Variants in SLC26A5 observed in about 807,000 individuals in gnomAD.
The protein encoded by SLC26A5 is solute carrier family 26 member 5.
A neutral mutation model predicts 81.0 loss-of-function variants in SLC26A5; 51 were observed. That is an observed-to-expected ratio of 0.63 (90% CI 0.50 to 0.80). The LOEUF is 0.80. Ranked by LOEUF, SLC26A5 falls within the 30% of genes least tolerant of loss-of-function variation. The probability of loss-of-function intolerance (pLI) is 0.00; values close to 1 mark genes in which losing one functional copy is unlikely to be tolerated. For missense variants in SLC26A5, 771 were observed against 905.8 expected (o/e 0.85, Z 1.91); for synonymous variants, 325 against 332.8 (o/e 0.98, Z 0.25).
intron 15 of SLC26A5, among the ~76,000 whole-genome samples, chr7:103,380,277 GA>G (rs1235841689): frequency 3.9e-5 from 6 of 152,050 alleles, no homozygotes; most frequent in African/African-American, 7.3e-5. Flanking sequence ...TAAAAATGAG[GA>G]AAAATAAATA....
intron 14 of SLC26A5, among the ~76,000 whole-genome samples, chr7:103,382,825 G>A (rs1433192087): frequency 6.6e-6 from 1 of 152,138 alleles, no homozygotes; most frequent in Non-Finnish European, 1.5e-5. Flanking sequence ...TCACGTAGAT[G>A]AGAAATTGAG....
At position 103,390,486 on chromosome 7, in the gene SLC26A5, T is replaced by C; in HGVS notation, c.1254A>G (p.Ser418=). The C allele has an allele frequency of 6.2e-7, 1 of 1,614,182 alleles. No individual in the cohort carries two copies. Among genetic ancestry groups the C allele is most frequent in the South Asian group, 1.1e-5 (1 of 91,082 alleles). Residue 418 remains serine (S), a synonymous_variant, in exon 12 of 20, where the codon TCA becomes TCG. Coordinates refer to ENST00000306312, the MANE Select transcript of SLC26A5 (RefSeq NM_198999.3). The stretch of plus-strand genomic sequence containing the variant: ...CTAATATGACCAGCAGAATCATTAA[T>C]GAGGCCAAACAACCTGCAAGCTGAA... ...GKTQLAGCLA[S]LMILLVILAT...
At position 103,377,734 on chromosome 7, in the gene SLC26A5, G is replaced by A; in HGVS notation, c.1851C>T (p.Pro617=). The change falls in exon 18 of 20, where the codon CCC becomes CCT. Residue 617 remains proline (P), a synonymous_variant. Transcript: ENST00000306312. ...GAAATGTGCTTTTGATCACTATTGG[G>A]GGATATTTTACTTCACCATCCTCTT... ...PEEEDGEVKY[P]PIVIKSTFPE... 1 of 1,614,006 alleles carries A rather than the reference G, an allele frequency of 6.2e-7. No homozygotes were observed.
At chr7:103,368,188 T>A in intron 19 of SLC26A5, 1 of 807,390 alleles carries the variant, frequency 1.2e-6, no homozygotes, top group Non-Finnish European at 1.9e-6. Flanking sequence ...TGTAATATAA[T>A]AAAAGGTGAT....
chr7:103,412,921 T>C (rs2116663008), intron 5 of SLC26A5, 81 bp downstream of exon 5: 2 of 1,032,114 alleles, frequency 1.9e-6, no homozygotes, highest in Non-Finnish European at 3.0e-6. Context: ...TTTTTAATAA[T>C]GACCATGCTA....
chr7:103,440,863 C>T (rs936140488), intron 2 of SLC26A5, among the ~76,000 whole-genome samples: 1 of 152,166 alleles, frequency 6.6e-6, no homozygotes, highest in Non-Finnish European at 1.5e-5. Flanking sequence ...AAATATGCTT[C>T]AACCTAAGCT....
intron 3 of SLC26A5, 104 bp downstream of exon 3, chr7:103,421,259 A>AT: frequency 7.6e-7 from 1 of 1,318,708 alleles, no homozygotes; most frequent in East Asian, 2.5e-5. Context: ...CTCAGCATTC[A>AT]TTTTTCTCTC....
chr7:103,354,729 G>A, intron 19 of SLC26A5: 1 of 604,020 alleles, frequency 1.7e-6, no homozygotes, highest in Non-Finnish European at 2.9e-6. Context: ...GAAATATTGG[G>A]TCAGGAATAC....
rs773315213 is a variant in SLC26A5, at chr7:103,378,603, C to T, written c.1678-50G>A. On this transcript the variant is annotated intron_variant, in intron 16 of 19. Transcript: ENST00000306312. ...AAATCACTTCATGGCTCTCAGGGACCCACCCCAATGCCACTCCCCTTCAAA... is the reference window on the plus strand; with the variant it reads ...AAATCACTTCATGGCTCTCAGGGACTCACCCCAATGCCACTCCCCTTCAAA... 10 of 1,487,908 alleles carry T rather than the reference C, an allele frequency of 6.7e-6. No homozygotes were observed. In the East Asian group the frequency reaches 1.4e-4, roughly 20 times the overall value. 92.2% of individuals were successfully genotyped at this position (1,487,908 alleles called of 1,614,324 possible). A position where few individuals can be genotyped will look rare whatever the true frequency, so the allele number is the denominator to read the frequency against.
At chr7:103,378,773 T>C (rs1375753879) in intron 16 of SLC26A5, among the ~76,000 whole-genome samples, 2 of 152,162 alleles carry the variant, frequency 1.3e-5, no homozygotes, top group African/African-American at 4.8e-5. Flanking sequence ...GAAGCTAAAA[T>C]ATTAAAGACA....
At chr7:103,384,969 C>G (rs13242707) in intron 14 of SLC26A5, among the ~76,000 whole-genome samples, 2 of 152,152 alleles carry the variant, frequency 1.3e-5, no homozygotes, top group African/African-American at 4.8e-5. Context: ...TCCCTAGAGT[C>G]TAGCATCTCC....
chr7:103,428,949 A>G (rs1225167212), intron 2 of SLC26A5, among the ~76,000 whole-genome samples: 1 of 152,124 alleles, frequency 6.6e-6, no homozygotes, highest in East Asian at 1.9e-4. Flanking sequence ...GGATTTCTCC[A>G]TCTTGCATAA....
chr7:103,352,757 A>C, exon 20 of SLC26A5: 6 of 748,744 alleles, frequency 8.0e-6, no homozygotes, highest in Non-Finnish European at 1.5e-5. Flanking sequence ...TTATTTCACA[A>C]AAGAGAAAAC....
chr7:103,391,631 C>T lies in SLC26A5; in HGVS notation c.1224G>A (p.Gly408=). The T allele has an allele frequency of 6.2e-7, 1 of 1,613,906 alleles. No individual in the cohort carries two copies. Among genetic ancestry groups the T allele is most frequent in the South Asian group, 1.1e-5 (1 of 91,064 alleles). ...SRSLVQEGTG[G]KTQLAGCLAS... The stretch of plus-strand genomic sequence containing the variant: ...CCTGTTATGTACATACCTGTGTCTT[C>T]CCACCGGTTCCCTCCTGAACAAGGC... Residue 408 remains glycine (G), a synonymous_variant, in exon 11 of 20, where the codon GGG becomes GGA. Coordinates refer to ENST00000306312, the MANE Select transcript of SLC26A5 (RefSeq NM_198999.3).
Position 103,391,670 on chromosome 7 carries a change from G to A in SLC26A5, c.1185C>T (p.Cys395=). ...GSLFQTFSIS[C]SLSRSLVQEG... Reference sequence around the variant, plus strand: ...CCTGAACAAGGCTTCGAGACAAGGAGCATGAAATTGAAAAGGTCTGGAAGA... The same window carrying A: ...CCTGAACAAGGCTTCGAGACAAGGAACATGAAATTGAAAAGGTCTGGAAGA... The change falls in exon 11 of 20, where the codon TGC becomes TGT. Residue 395 remains cysteine, a synonymous_variant. Coordinates refer to ENST00000306312, the MANE Select transcript of SLC26A5 (RefSeq NM_198999.3). 1 of 1,614,178 alleles carries A rather than the reference G, an allele frequency of 6.2e-7. No individual in the cohort carries two copies. Among genetic ancestry groups the A allele is most frequent in the Non-Finnish European group, 8.5e-7 (1 of 1,180,026 alleles).
At chr7:103,356,789 C>T (rs947604509) in intron 19 of SLC26A5, among the ~76,000 whole-genome samples, 3 of 151,970 alleles carry the variant, frequency 2.0e-5, no homozygotes, top group African/African-American at 7.3e-5. Flanking sequence ...TAAAATATAC[C>T]AATATTTCCA....
downstream of SLC26A5, among the ~76,000 whole-genome samples, chr7:103,369,800 C>T (rs1421105027): frequency 6.6e-6 from 1 of 151,802 alleles, no homozygotes; most frequent in East Asian, 1.9e-4. Flanking sequence ...AAAAATATAC[C>T]GTAGAATCCT....
intron 14 of SLC26A5, among the ~76,000 whole-genome samples, chr7:103,381,250 CAT>C (rs1265683313): frequency 6.6e-6 from 1 of 151,518 alleles, no homozygotes; most frequent in Non-Finnish European, 1.5e-5. Flanking sequence ...AATACACACA[CAT>C]ACAATGTATA....
At chr7:103,363,993 G>A (rs1378447961) in intron 19 of SLC26A5, 1 of 694,612 alleles carries the variant, frequency 1.4e-6, no homozygotes, top group Non-Finnish European at 2.3e-6. Flanking sequence ...GTTCAAGTAT[G>A]TATATTGTGG....
Sources: allele counts gnomAD v4.1 joint callset (sites outside exome capture counted in the v4.1 genomes callset), GRCh38; gene constraint gnomAD v4.1.1; transcripts MANE v1.5; gene names NCBI Gene and HGNC (gene_info 2026-07-23, HGNC 2026-07-21).